The following FGF9 variants were observed in gnomAD, a reference collection of about 807,000 sequenced individuals.
The protein encoded by FGF9 is fibroblast growth factor 9 (glia-activating factor).
A neutral mutation model predicts 19.9 loss-of-function variants in FGF9; 3 were observed. The observed-to-expected ratio is 0.15, with a 90% confidence interval of 0.07 to 0.39. The LOEUF (loss-of-function observed/expected upper bound fraction) is 0.39, where lower values mean the gene tolerates loss of function less well. Among genes scored for constraint, FGF9 ranks in the 10% least tolerant of loss-of-function variants. The pLI is 1.00. For synonymous variants in FGF9, 107 were observed against 106.9 expected (o/e 1.00, Z -0.01); for missense variants, 175 against 256.8 (o/e 0.68, Z 2.18).
At chr13:21,677,630 G>A (rs1871947492) in intron 1 of FGF9, among the ~76,000 whole-genome samples, 1 of 152,166 alleles carries the variant, frequency 6.6e-6, no homozygotes, top group Non-Finnish European at 1.5e-5. Context: ...TCCTGTTGCG[G>A]GGTTGCTAGA....
In FGF9 at chr13:21,704,334, G is replaced by A. The variant is rs573982770; in HGVS notation, c.*2899G>A. On this transcript the variant is annotated 3_prime_UTR_variant, in exon 3 of 3. Coordinates refer to ENST00000382353, the MANE Select transcript of FGF9 (RefSeq NM_002010.3). ...AGTGTTGGGGAACCTGCCCTGCCAG[G>A]TCCTGTTTTGTAGATAAACAAATGG... is the stretch of plus-strand genomic sequence containing the variant. 1 of 152,262 alleles carries A rather than the reference G, an allele frequency of 6.6e-6. No individual in the cohort carries two copies. Among genetic ancestry groups the A allele is most frequent in the East Asian group, 1.9e-4 (1 of 5,184 alleles). 9.4% of individuals were successfully genotyped at this position (152,262 alleles called of 1,614,324 possible). A position where few individuals can be genotyped will look rare whatever the true frequency, so the allele number is the denominator to read the frequency against.
intron 1 of FGF9, among the ~76,000 whole-genome samples, chr13:21,678,828 C>T (rs988709453): frequency 6.6e-5 from 10 of 152,158 alleles, no homozygotes; most frequent in African/African-American, 1.4e-4. Context: ...TTTCATCTTA[C>T]GACGAAAATT....
At chr13:21,689,134 G>A (rs1053738770) in intron 2 of FGF9, among the ~76,000 whole-genome samples, 46 of 152,112 alleles carry the variant, frequency 3.0e-4, no homozygotes, top group African/African-American at 1.1e-3. Context: ...TCGCACATGA[G>A]CCCAACGCCC....
At chr13:21,683,552 A>G (rs1306803543) in intron 2 of FGF9, among the ~76,000 whole-genome samples, 3 of 152,216 alleles carry the variant, frequency 2.0e-5, no homozygotes, top group Non-Finnish European at 4.4e-5. Flanking sequence ...CACCACTGCC[A>G]TACAGCTGCA....
intron 2 of FGF9, among the ~76,000 whole-genome samples, chr13:21,694,899 A>C (rs1175719020): frequency 6.6e-6 from 1 of 152,238 alleles, no homozygotes; most frequent in Non-Finnish European, 1.5e-5. Context: ...CATGTGTTAA[A>C]AGTTTATGAG....
In FGF9 at chr13:21,681,092, G is replaced by A. The variant is rs774141078; in HGVS notation, c.328G>A (p.Val110Met). Residue 110 changes from valine (V) to methionine (M), a missense_variant, in exon 2 of 3, where the codon GTG becomes ATG. By Grantham distance (21) the Val-to-Met change is conservative. Transcript: ENST00000382353. Reference protein sequence around the residue: ...IAVGLVSIRGVDSGLYLGMNE... With the variant: ...IAVGLVSIRGMDSGLYLGMNE... Reference sequence around the variant, plus strand: ...AGTGGGCCTGGTCAGCATTCGAGGCGTGGACAGTGGACTCTACCTCGGGAT... The same window carrying A: ...AGTGGGCCTGGTCAGCATTCGAGGCATGGACAGTGGACTCTACCTCGGGAT... The A allele has an allele frequency of 6.2e-6, 10 of 1,614,020 alleles. No individual in the cohort carries two copies. The highest frequency in any genetic ancestry group is 1.7e-5 in the Admixed American group (1 of 60,030).
rs563405759 is a variant in FGF9, at chr13:21,671,139, C to G, written c.-774C>G. 3.3e-5 allele frequency among the ~76,000 whole-genome samples: 5 copies of G among 152,314 alleles called. No individual in the cohort carries two copies. The South Asian group carries it at 1.0e-3, about 32-fold the overall frequency. Reference sequence around the variant, plus strand: ...CCGCCCGGCTACAACGCTCCGCGAGCCGGCGCGGCAACACCTGTTCGCGGC... The same window carrying G: ...CCGCCCGGCTACAACGCTCCGCGAGGCGGCGCGGCAACACCTGTTCGCGGC... On this transcript the variant is annotated 5_prime_UTR_variant, in exon 1 of 3. Coordinates refer to ENST00000382353, the MANE Select transcript of FGF9 (RefSeq NM_002010.3).
At chr13:21,690,858 A>G (rs897947712) in intron 2 of FGF9, among the ~76,000 whole-genome samples, 3 of 152,218 alleles carry the variant, frequency 2.0e-5, no homozygotes, top group African/African-American at 7.2e-5. Context: ...CCTCAGTGTA[A>G]TACTGAAGTG....
intron 2 of FGF9, among the ~76,000 whole-genome samples, chr13:21,686,838 T>G (rs1477250995): frequency 6.6e-6 from 1 of 152,178 alleles, no homozygotes; most frequent in Non-Finnish European, 1.5e-5. Flanking sequence ...GTTGTGAACT[T>G]GTAGAGTCAG....
intron 1 of FGF9, among the ~76,000 whole-genome samples, chr13:21,678,593 G>A (rs2138131877): frequency 6.6e-6 from 1 of 152,216 alleles, no homozygotes; most frequent in Non-Finnish European, 1.5e-5. Flanking sequence ...CAGTGAAAAG[G>A]TTTTGTGAAA....
In FGF9 at chr13:21,680,404, T is replaced by G. The variant is rs897770689; in HGVS notation, c.278-638T>G. ...CTGTATAAACCAATCAAGGCTTTAGTTAGCACTTCATTCTCTTATTTTGAG... is the reference window on the plus strand; with the variant it reads ...CTGTATAAACCAATCAAGGCTTTAGGTAGCACTTCATTCTCTTATTTTGAG... On this transcript the variant is annotated intron_variant, in intron 1 of 2. Coordinates refer to ENST00000382353, the MANE Select transcript of FGF9 (RefSeq NM_002010.3). Among the ~76,000 whole-genome samples the G allele has an allele frequency of 2.6e-5, 4 of 152,326 alleles. 1 individual carries two copies. The South Asian group carries it at 8.3e-4, about 32-fold the overall frequency.
Position 21,701,522 on chromosome 13 carries a change from T to C in FGF9, c.*87T>C. 1.3e-5 allele frequency: 21 copies of C among 1,576,946 alleles called. No homozygotes were observed. The highest frequency in any genetic ancestry group is 1.7e-5 in the Non-Finnish European group (20 of 1,147,694). On this transcript the variant is annotated 3_prime_UTR_variant, in exon 3 of 3. Coordinates refer to ENST00000382353, the MANE Select transcript of FGF9 (RefSeq NM_002010.3). ...GGGTTCTTATTGATTCGCTGTGTCA[T>C]CACATCAGCTCCACTGTTGCCAAAC...
intron 2 of FGF9, among the ~76,000 whole-genome samples, chr13:21,684,991 A>G (rs1428228119): frequency 6.6e-6 from 1 of 152,186 alleles, no homozygotes; most frequent in Non-Finnish European, 1.5e-5. Context: ...CTGGAATCTC[A>G]TATTTCCCAC....
intron 2 of FGF9, among the ~76,000 whole-genome samples, chr13:21,686,230 T>C (rs1872154059): frequency 1.3e-5 from 2 of 152,150 alleles, no homozygotes; most frequent in African/African-American, 4.8e-5. Flanking sequence ...GGTTTCACCA[T>C]GTTGACCGGG....
chr13:21,693,864 G>A lies in FGF9; in HGVS notation c.382-7326G>A, dbSNP rs60199682. Among the ~76,000 whole-genome samples, 718 of 152,278 alleles carry A rather than the reference G, an allele frequency of 4.7e-3. 3 individuals are homozygous for A. The highest frequency in any genetic ancestry group is 0.016 in the African/African-American group (669 of 41,542). ...TCATTCTCTGCCGCCTTCTGGAAGC[G>A]TGAACGCAGTCTGTGTTTTCCATCC... On this transcript the variant is annotated intron_variant, in intron 2 of 2. Transcript: ENST00000382353.
intron 1 of FGF9, 34 bp from the exon 2 acceptor site, chr13:21,681,008 G>T (rs1210909629): frequency 6.7e-7 from 1 of 1,494,574 alleles, no homozygotes; most frequent in Non-Finnish European, 9.3e-7. Context: ...TCTGTGATCT[G>T]ATCTGTCCTC....
In FGF9 at chr13:21,671,813, C is replaced by A; in HGVS notation, c.-100C>A. 1 of 1,312,430 alleles carries A rather than the reference C, an allele frequency of 7.6e-7. No individual in the cohort carries two copies. The allele number at this position is 1,312,430 out of a possible 1,614,324, so 81.3% of individuals were successfully genotyped here. A position where few individuals can be genotyped will look rare whatever the true frequency, so the allele number is the denominator to read the frequency against. On this transcript the variant is annotated 5_prime_UTR_variant, in exon 1 of 3. The change creates a new upstream start codon in the 5' untranslated region. Transcript: ENST00000382353. ...CTTTTTTTTCTCTCTCTCTCTGCAA[C>A]TGCAGTAAGGGAGGGGAGTTGGATA...
chr13:21,688,418 T>C (rs1427299691), intron 2 of FGF9, among the ~76,000 whole-genome samples: 1 of 152,184 alleles, frequency 6.6e-6, no homozygotes, highest in African/African-American at 2.4e-5. Context: ...GCGTGACCAA[T>C]TTTCAAAGAA....
chr13:21,681,234 C>G, intron 2 of FGF9, 89 bp downstream of exon 2: 1 of 974,326 alleles, frequency 1.0e-6, no homozygotes, highest in Non-Finnish European at 1.6e-6. Flanking sequence ...GCCAGAAATG[C>G]AACTGAGTCT....
Sources: allele counts gnomAD v4.1 joint callset (sites outside exome capture counted in the v4.1 genomes callset), GRCh38; gene constraint gnomAD v4.1.1; transcripts MANE v1.5; gene names NCBI Gene and HGNC (gene_info 2026-07-23, HGNC 2026-07-21).